HHAT: variants seen among roughly 807,000 people sequenced by gnomAD.
The protein encoded by HHAT is protein-cysteine N-palmitoyltransferase HHAT.
A neutral mutation model predicts 70.8 loss-of-function variants in HHAT; 47 were observed. The observed-to-expected ratio is 0.66, with a 90% CI of 0.53 to 0.85. HHAT has a LOEUF of 0.85. Among genes scored for constraint, HHAT ranks in the 40% least tolerant of loss-of-function variants. HHAT has a pLI of 0.00. For synonymous variants in HHAT, 228 were observed against 247.6 expected, an observed-to-expected ratio of 0.92 and a Z score of 0.74; for missense variants, 609 against 604.8, an observed-to-expected ratio of 1.01 and a Z score of -0.07.
intron 11 of HHAT, among the ~76,000 whole-genome samples, chr1:210,648,351 C>T (rs1674482657): frequency 6.6e-6 from 1 of 152,190 alleles, no homozygotes; most frequent in African/African-American, 2.4e-5. Flanking sequence ...CTCACTGATC[C>T]TCAGAGGCCT....
intron 11 of HHAT, among the ~76,000 whole-genome samples, chr1:210,648,389 C>T (rs1674492758): frequency 6.6e-6 from 1 of 152,178 alleles, no homozygotes; most frequent in African/African-American, 2.4e-5. Flanking sequence ...AGCATACGTT[C>T]AGCTGACGGA....
chr1:210,669,003 G>T (rs974260481), intron 11 of HHAT, among the ~76,000 whole-genome samples: 1 of 152,132 alleles, frequency 6.6e-6, no homozygotes, highest in African/African-American at 2.4e-5. Flanking sequence ...TCAAATGCCT[G>T]ACCTCGTGAT....
intron 7 of HHAT, among the ~76,000 whole-genome samples, chr1:210,429,021 G>A (rs2093163362): frequency 2.6e-5 from 4 of 151,908 alleles, no homozygotes; most frequent in Admixed American, 2.6e-4. Context: ...AAAAGACAAA[G>A]CTTCATAGAT....
At chr1:210,616,904 C>G (rs1030581316) in intron 10 of HHAT, among the ~76,000 whole-genome samples, 9 of 152,194 alleles carry the variant, frequency 5.9e-5, no homozygotes, top group African/African-American at 2.2e-4. Context: ...CTGTATTTAT[C>G]TAAAACATAG....
At chr1:210,335,293 A>G (rs1378644912) in intron 1 of HHAT, among the ~76,000 whole-genome samples, 1 of 148,312 alleles carries the variant, frequency 6.7e-6, no homozygotes, top group Non-Finnish European at 1.5e-5. Flanking sequence ...AAAGTATTTG[A>G]TACAACTCAG....
At chr1:210,330,942 C>T (rs1391269699) in intron 1 of HHAT, among the ~76,000 whole-genome samples, 1 of 152,142 alleles carries the variant, frequency 6.6e-6, no homozygotes, top group Non-Finnish European at 1.5e-5. Context: ...CCTCAGCCTC[C>T]GGAGTAGCTT....
intron 4 of HHAT, among the ~76,000 whole-genome samples, chr1:210,389,532 T>C (rs2091311996): frequency 2.0e-5 from 3 of 152,230 alleles, no homozygotes; most frequent in African/African-American, 7.2e-5. Context: ...TCCCCCTTAT[T>C]GTTCTCCTGA....
intron 9 of HHAT, among the ~76,000 whole-genome samples, chr1:210,518,770 G>GGT (rs1445642627): frequency 1.3e-5 from 2 of 152,148 alleles, no homozygotes; most frequent in East Asian, 3.9e-4. Context: ...TCCAGCCCTG[G>GGT]GTGACAGAGC....
At chr1:210,533,247 C>A (rs1345242787) in intron 9 of HHAT, among the ~76,000 whole-genome samples, 3 of 151,832 alleles carry the variant, frequency 2.0e-5, no homozygotes, top group East Asian at 3.9e-4. Context: ...CACAGAAAAG[C>A]TGGCTCGTTT....
At chr1:210,642,084 C>T (rs904973511) in intron 11 of HHAT, among the ~76,000 whole-genome samples, 2 of 152,090 alleles carry the variant, frequency 1.3e-5, no homozygotes, top group African/African-American at 4.8e-5. Context: ...CCCATAAGCC[C>T]TATGATTTTA....
chr1:210,673,925 A>G (rs1014780255), intron 11 of HHAT, among the ~76,000 whole-genome samples: 4 of 150,746 alleles, frequency 2.7e-5, no homozygotes, highest in African/African-American at 9.7e-5. Flanking sequence ...GCCTGGCTCT[A>G]AACATGGATT....
At chr1:210,358,339 C>G (rs2087876877) in intron 2 of HHAT, among the ~76,000 whole-genome samples, 1 of 152,244 alleles carries the variant, frequency 6.6e-6, no homozygotes, top group Admixed American at 6.5e-5. Context: ...GGCAGATGAG[C>G]AGCCCCATTT....
intron 3 of HHAT, among the ~76,000 whole-genome samples, chr1:210,371,293 C>T (rs746084596): frequency 3.3e-5 from 5 of 152,188 alleles, no homozygotes; most frequent in Admixed American, 6.5e-5. Context: ...GGCCTACAGG[C>T]ATGTGCCATC....
intron 9 of HHAT, among the ~76,000 whole-genome samples, chr1:210,580,900 T>C (rs1659120318): frequency 6.6e-6 from 1 of 152,190 alleles, no homozygotes; most frequent in East Asian, 1.9e-4. Context: ...AGAATTGCCA[T>C]ACTATCTTCC....
Position 210,574,421 on chromosome 1 carries a change from GT to G in HHAT, c.1044-13476del, listed in dbSNP as rs142276177. On this transcript the variant is annotated intron_variant, in intron 9 of 11. Transcript: ENST00000261458. ...GCATAAGAGGCAGTTGGAGAATGAC[GT>G]AGAAGAAGCCAAACTGATGGGTTTA... 4.0e-3 allele frequency among the ~76,000 whole-genome samples: 604 copies of G among 152,282 alleles called. 4 individuals are homozygous for G. Among genetic ancestry groups the G allele is most frequent in the African/African-American group, 0.014 (566 of 41,554 alleles).
At chr1:210,448,284 G>A (rs2093676374) in intron 7 of HHAT, among the ~76,000 whole-genome samples, 1 of 152,044 alleles carries the variant, frequency 6.6e-6, no homozygotes, top group East Asian at 1.9e-4. Flanking sequence ...GTTTCACTAT[G>A]TTGGCCAGGC....
At chr1:210,633,703 A>G (rs4951687) in intron 11 of HHAT, among the ~76,000 whole-genome samples, 70,277 of 152,080 alleles carry the variant, frequency 0.46, 17,085 homozygotes, top group Non-Finnish European at 0.54. Context: ...CTGGCAGTGT[A>G]TGTCACCCTG....
chr1:210,365,675 G>A (rs1461903147), intron 3 of HHAT, among the ~76,000 whole-genome samples: 1 of 151,486 alleles, frequency 6.6e-6, no homozygotes, highest in East Asian at 1.9e-4. Flanking sequence ...GAGTGCAGTG[G>A]CACAATCTTG....
intron 10 of HHAT, among the ~76,000 whole-genome samples, chr1:210,616,582 G>T (rs1170626033): frequency 6.6e-5 from 10 of 152,140 alleles, no homozygotes; most frequent in African/African-American, 2.4e-4. Context: ...CGACATATTT[G>T]TTGAACAAAC....
Sources: allele counts gnomAD v4.1 joint callset (sites outside exome capture counted in the v4.1 genomes callset), GRCh38; gene constraint gnomAD v4.1.1; transcripts MANE v1.5; gene names NCBI Gene and HGNC (gene_info 2026-07-23, HGNC 2026-07-21).